Variants in ARID1B observed in about 807,000 individuals in gnomAD.
ARID1B encodes the protein AT-rich interaction domain 1B.
Under a neutral mutation model 212.3 loss-of-function variants are expected in ARID1B, and 30 were observed. The observed-to-expected ratio is 0.14, with a 90% CI of 0.11 to 0.19. The LOEUF (loss-of-function observed/expected upper bound fraction) is 0.19, where lower values mean the gene tolerates loss of function less well. Among genes scored for constraint, ARID1B ranks in the 10% least tolerant of loss-of-function variants. The pLI, the probability that ARID1B is intolerant of heterozygous loss-of-function variation, is 1.00. For missense variants in ARID1B, 2,891 were observed against 3,204.0 expected (o/e 0.90, Z 2.36); for synonymous variants, 1,402 against 1,301.7 (o/e 1.08, Z -1.66).
At chr6:156,801,224 G>A (rs1431849733) in intron 1 of ARID1B, among the ~76,000 whole-genome samples, 22 of 145,730 alleles carry the variant, frequency 1.5e-4, no homozygotes, top group Non-Finnish European at 6.0e-5. Context: ...TTTTTGAGGC[G>A]GAGTCTCGCT....
chr6:156,941,056 T>G (rs1582995232), intron 4 of ARID1B: 2 of 152,296 alleles, frequency 1.3e-5, no homozygotes, highest in South Asian at 4.1e-4. Context: ...TCTCAAATCC[T>G]TATGAACATT....
intron 10 of ARID1B, chr6:157,174,322 T>C: frequency 2.0e-6 from 1 of 507,666 alleles, no homozygotes; most frequent in Non-Finnish European, 3.5e-6. Flanking sequence ...TCTTATGGCA[T>C]TAACTCACGG....
intron 4 of ARID1B, among the ~76,000 whole-genome samples, chr6:157,006,250 T>C (rs1779246393): frequency 6.6e-6 from 1 of 152,200 alleles, no homozygotes; most frequent in African/African-American, 2.4e-5. Flanking sequence ...GATAATGTTA[T>C]ATCAGAGCTT....
At chr6:157,059,982 C>T (rs1337954961) in intron 4 of ARID1B, among the ~76,000 whole-genome samples, 5 of 152,152 alleles carry the variant, frequency 3.3e-5, no homozygotes, top group African/African-American at 9.7e-5. Flanking sequence ...TTGTGGGCAG[C>T]GTGTCAAGAG....
chr6:156,784,801 C>T (rs1280120578), intron 1 of ARID1B, among the ~76,000 whole-genome samples: 2 of 152,080 alleles, frequency 1.3e-5, no homozygotes, highest in Non-Finnish European at 2.9e-5. Flanking sequence ...ACTTTGCCAC[C>T]CAGGTTGGAG....
Position 156,901,473 on chromosome 6 carries a change from C to T in ARID1B, c.2084C>T (p.Pro695Leu), listed in dbSNP as rs779895443. Residue 695 changes from proline (P) to leucine (L), a missense_variant, in exon 3 of 20, where the codon CCC becomes CTC. By Grantham distance (98) the Pro-to-Leu change is moderately conservative (BLOSUM62 -3). Transcript: ENST00000636930. ...CAGCCGCAGCCCCCGCACCTCCCAC[C>T]CCAGGCGCAGTATCTGCCGTCCCAG... Reference protein sequence around the residue: ...SQQPQPPHLPPQAQYLPSQSQ... With the variant: ...SQQPQPPHLPLQAQYLPSQSQ... 1.2e-6 allele frequency: 2 copies of T among 1,614,072 alleles called. No individual in the cohort carries two copies. Among genetic ancestry groups the T allele is most frequent in the Non-Finnish European group, 1.7e-6 (2 of 1,180,028 alleles).
intron 17 of ARID1B, 54 bp downstream of exon 17, chr6:157,198,961 C>A (rs2128367116): frequency 1.4e-6 from 2 of 1,384,408 alleles, no homozygotes; most frequent in Non-Finnish European, 2.0e-6. Flanking sequence ...GTCCTGGAGG[C>A]TAAAACTCAA....
At chr6:157,064,362 C>T (rs892143012) in intron 4 of ARID1B, among the ~76,000 whole-genome samples, 7 of 152,150 alleles carry the variant, frequency 4.6e-5, no homozygotes, top group Admixed American at 2.0e-4. Context: ...TTCTCCAGAA[C>T]GCATGTTTAG....
upstream of ARID1B, chr6:156,776,296 T>C (rs1414536045): frequency 1.3e-5 from 2 of 152,192 alleles, no homozygotes; most frequent in South Asian, 2.1e-4. Context: ...TTAAAAACAT[T>C]ATAAAATGTT....
intron 2 of ARID1B, among the ~76,000 whole-genome samples, chr6:156,892,049 T>G (rs1327484263): frequency 2.2e-5 from 2 of 91,506 alleles, no homozygotes; most frequent in Admixed American, 2.1e-4. Flanking sequence ...TTTTCTTTTT[T>G]TTTTTTTTTT....
At chr6:156,966,252 A>G (rs1251808682) in intron 4 of ARID1B, among the ~76,000 whole-genome samples, 2 of 152,220 alleles carry the variant, frequency 1.3e-5, no homozygotes, top group African/African-American at 4.8e-5. Context: ...CAGTCCTCAT[A>G]TATAAGATTT....
intron 6 of ARID1B, among the ~76,000 whole-genome samples, chr6:157,131,952 G>A (rs927491624): frequency 6.6e-6 from 1 of 152,200 alleles, no homozygotes; most frequent in African/African-American, 2.4e-5. Flanking sequence ...ACCTCCCAGA[G>A]AGCTGGGATT....
intron 2 of ARID1B, among the ~76,000 whole-genome samples, chr6:156,833,491 G>T (rs1234462733): frequency 6.6e-6 from 1 of 151,938 alleles, no homozygotes; most frequent in South Asian, 2.1e-4. Context: ...AACTATTCTT[G>T]CAGGTGTTTG....
chr6:156,966,521 G>C (rs367899621), intron 4 of ARID1B, among the ~76,000 whole-genome samples: 14 of 149,966 alleles, frequency 9.3e-5, no homozygotes, highest in African/African-American at 3.2e-4. Context: ...AGCCACCCAA[G>C]TAGGTGGTAT....
At chr6:156,888,706 G>T (rs898944695) in intron 2 of ARID1B, among the ~76,000 whole-genome samples, 7 of 152,142 alleles carry the variant, frequency 4.6e-5, no homozygotes, top group Non-Finnish European at 8.8e-5. Flanking sequence ...GGCAGCTCAG[G>T]CCTTTTTATT....
chr6:156,861,840 A>T (rs761062369), intron 2 of ARID1B, among the ~76,000 whole-genome samples: 8 of 152,138 alleles, frequency 5.3e-5, no homozygotes, highest in Non-Finnish European at 8.8e-5. Flanking sequence ...GGGAGCCTGA[A>T]AGGAAGGTGA....
chr6:157,107,152 A>G (rs1054505599), intron 5 of ARID1B, among the ~76,000 whole-genome samples: 1 of 152,208 alleles, frequency 6.6e-6, no homozygotes, highest in Non-Finnish European at 1.5e-5. Flanking sequence ...ATTTGGCAAC[A>G]TTCTACAAAA....
At chr6:156,809,961 T>C (rs998190456) in intron 1 of ARID1B, among the ~76,000 whole-genome samples, 1 of 152,136 alleles carries the variant, frequency 6.6e-6, no homozygotes, top group African/African-American at 2.4e-5. Context: ...TAAGCAATCA[T>C]CTGGGAAATC....
chr6:157,008,028 T>C (rs759454838), intron 4 of ARID1B, among the ~76,000 whole-genome samples: 3 of 152,214 alleles, frequency 2.0e-5, no homozygotes, highest in Non-Finnish European at 4.4e-5. Flanking sequence ...AGCAAAGAGC[T>C]TCATCAAAAC....
Sources: gnomAD v4.1 joint callset for allele counts (sites outside exome capture counted in the v4.1 genomes callset) on GRCh38, gnomAD v4.1.1 for gene constraint, MANE v1.5 for transcripts, NCBI Gene and HGNC (gene_info 2026-07-23, HGNC 2026-07-21) for gene names.